Variants in ARHGAP11A observed in about 807,000 individuals in gnomAD.
ARHGAP11A encodes Rho GTPase activating protein 11A.
ARHGAP11A carries 36 observed loss-of-function variants against 60.5 expected under a neutral mutation model. The ratio of observed to expected loss-of-function variants is 0.59; its 90% CI spans 0.46 to 0.79. The LOEUF is 0.79. ARHGAP11A is among the 30% of genes least tolerant of loss of function. ARHGAP11A has a pLI of 0.00. For missense variants in ARHGAP11A, 1,071 were observed against 1,199.2 expected, an observed-to-expected ratio of 0.89 and a Z score of 1.58; for synonymous variants, 362 against 415.5, an observed-to-expected ratio of 0.87 and a Z score of 1.57.
intron 2 of ARHGAP11A, among the ~76,000 whole-genome samples, chr15:32,622,376 C>T (rs189275499): frequency 6.6e-6 from 1 of 152,254 alleles, no homozygotes; most frequent in South Asian, 2.1e-4. Context: ...AGTGATCGCA[C>T]CACTCCAGCC....
In ARHGAP11A at chr15:32,633,934, G is replaced by A; in HGVS notation, c.1237G>A (p.Val413Met). Residue 413 changes from valine (V) to methionine (M), a missense_variant and splice_region_variant, in exon 10 of 12, where the codon GTG (valine) becomes ATG (methionine). By Grantham distance (21) the Val-to-Met change is conservative. This residue lies in a region of ARHGAP11A where 776 missense variants were observed against 760.2 expected (regional missense o/e 1.02). Transcript: ENST00000361627. ...CATTTTTAATTCCACTTCTTCTAGA[G>A]TGGAATCAGGAAAAGCAGGCTGCTT... ...KRIAGKKVCR[V>M]ESGKAGCFSP... 1 of 1,588,330 alleles carries A rather than the reference G, an allele frequency of 6.3e-7. No individual in the cohort carries two copies.
intron 1 of ARHGAP11A, among the ~76,000 whole-genome samples, chr15:32,617,053 G>T (rs560437274): frequency 6.6e-6 from 1 of 152,114 alleles, no homozygotes; most frequent in Non-Finnish European, 1.5e-5. Flanking sequence ...TTTTGAATGA[G>T]ATTTTAATAG....
At chr15:32,621,958 T>C (rs557535449) in intron 2 of ARHGAP11A, among the ~76,000 whole-genome samples, 138 of 152,376 alleles carry the variant, frequency 9.1e-4, no homozygotes, top group Middle Eastern at 6.8e-3. Flanking sequence ...AGGTTTTAAT[T>C]GACATGTCAT....
At chr15:32,625,432 G>A (rs1398500117) in intron 5 of ARHGAP11A, 55 bp from the exon 6 acceptor site, 1 of 1,568,120 alleles carries the variant, frequency 6.4e-7, no homozygotes, top group African/African-American at 1.4e-5. Flanking sequence ...AAACATTTTT[G>A]GGGAAGAGTG....
At position 32,636,335 on chromosome 15, in the gene ARHGAP11A, G is replaced by C; in HGVS notation, c.1562G>C (p.Trp521Ser). ...GTTGGAACAAATTACCGGATGTCTT[G>C]GACAGGACCTAATAATTCAAGTTTT... is the stretch of plus-strand genomic sequence containing the variant. The part of the protein sequence containing the change: ...RLVGTNYRMS[W>S]TGPNNSSFQE... Residue 521 changes from tryptophan to serine, a missense_variant, in exon 12 of 12, where the codon TGG becomes TCG. Physicochemically the swap from Trp to Ser is radical, Grantham distance 177 (BLOSUM62 -3). Transcript: ENST00000361627. 6.2e-7 allele frequency: 1 copy of C among 1,613,984 alleles called. No individual in the cohort carries two copies. The highest frequency in any genetic ancestry group is 8.5e-7 in the Non-Finnish European group (1 of 1,179,954).
At chr15:32,629,142 A>G (rs899927794) in intron 7 of ARHGAP11A, among the ~76,000 whole-genome samples, 4 of 149,578 alleles carry the variant, frequency 2.7e-5, no homozygotes, top group Non-Finnish European at 4.5e-5. Context: ...GTATATTTCA[A>G]TTTTTTATTC....
intron 3 of ARHGAP11A, 87 bp from the exon 4 acceptor site, chr15:32,624,086 A>G: frequency 6.6e-7 from 1 of 1,522,808 alleles, no homozygotes; most frequent in African/African-American, 1.4e-5. Flanking sequence ...ATTAAAGAAA[A>G]GTGTAATTAG....
Position 32,615,861 on chromosome 15 carries a change from A to G in ARHGAP11A, c.-351A>G, listed in dbSNP as rs530390733. On this transcript the variant is annotated 5_prime_UTR_variant, in exon 1 of 12. Coordinates refer to ENST00000361627, the MANE Select transcript of ARHGAP11A (RefSeq NM_014783.6). Reference sequence around the variant, plus strand: ...GGAAGGGGGATCGTTGGAAGTAGCAAGAAGTGGAGAGAATCTGGCAATAGA... The same window carrying G: ...GGAAGGGGGATCGTTGGAAGTAGCAGGAAGTGGAGAGAATCTGGCAATAGA... The G allele has an allele frequency of 6.6e-5, 19 of 288,438 alleles. No homozygotes were observed. Among genetic ancestry groups the G allele is most frequent in the South Asian group, 3.7e-4 (5 of 13,664 alleles). 17.9% of individuals were successfully genotyped at this position (288,438 alleles called of 1,614,324 possible).
At position 32,639,806 on chromosome 15, in the gene ARHGAP11A, T is replaced by C. The variant is rs1326933608; in HGVS notation, c.*1961T>C. 1 of 152,224 alleles carries C rather than the reference T, an allele frequency of 6.6e-6. No individual in the cohort carries two copies. Among genetic ancestry groups the C allele is most frequent in the Non-Finnish European group, 1.5e-5 (1 of 68,034 alleles). 9.4% of individuals were successfully genotyped at this position (152,224 alleles called of 1,614,324 possible). A position where few individuals can be genotyped will look rare whatever the true frequency, so the allele number is the denominator to read the frequency against. On this transcript the variant is annotated 3_prime_UTR_variant, in exon 12 of 12. Transcript: ENST00000361627. Reference sequence around the variant, plus strand: ...AACTTGATTTAATGCGTTTTTATTTTTTCTTATACAAAATAGAGATAATGT... The same window carrying C: ...AACTTGATTTAATGCGTTTTTATTTCTTCTTATACAAAATAGAGATAATGT...
intron 10 of ARHGAP11A, among the ~76,000 whole-genome samples, chr15:32,634,479 C>T (rs1184444267): frequency 6.6e-6 from 1 of 152,144 alleles, no homozygotes. Flanking sequence ...TTGGAGCATC[C>T]AGAACTTTGG....
At chr15:32,636,049 T>C in intron 11 of ARHGAP11A, 134 bp downstream of exon 11, 1 of 1,380,496 alleles carries the variant, frequency 7.2e-7, no homozygotes. Context: ...AATATTAGAA[T>C]TGGCAATGTA....
chr15:32,629,852 C>T (rs1190640496), intron 8 of ARHGAP11A, 90 bp downstream of exon 8: 2 of 827,296 alleles, frequency 2.4e-6, no homozygotes, highest in Admixed American at 3.0e-5. Context: ...ATAATACCAC[C>T]CTTAGGAACT....
At position 32,616,181 on chromosome 15, in the gene ARHGAP11A, C is replaced by T. The variant is rs777617949; in HGVS notation, c.-31C>T. On this transcript the variant is annotated 5_prime_UTR_variant, in exon 1 of 12. Coordinates refer to ENST00000361627, the MANE Select transcript of ARHGAP11A (RefSeq NM_014783.6). The stretch of plus-strand genomic sequence containing the variant: ...GGCGAACGAGGGTCAGGACCTGCAT[C>T]CTGCCTCAGAGAGTTATCGACGTAT... The T allele has an allele frequency of 1.2e-6, 2 of 1,610,938 alleles. No individual in the cohort carries two copies. Among genetic ancestry groups the T allele is most frequent in the East Asian group, 2.2e-5 (1 of 44,806 alleles).
Position 32,638,169 on chromosome 15 carries a change from G to A in ARHGAP11A, c.*324G>A, listed in dbSNP as rs1475331179. The A allele has an allele frequency of 1.5e-5, 3 of 204,484 alleles. No homozygotes were observed. Among genetic ancestry groups the A allele is most frequent in the East Asian group, 1.2e-4 (1 of 8,224 alleles). 12.7% of individuals were successfully genotyped at this position (204,484 alleles called of 1,614,324 possible). On this transcript the variant is annotated 3_prime_UTR_variant, in exon 12 of 12. Transcript: ENST00000361627. ...TCTCACTGCAAGCTCCACTTCCTGG[G>A]TTCATGCCATTTTCCTGCCTCAGCC...
intron 1 of ARHGAP11A, 40 bp downstream of exon 1, chr15:32,616,380 G>T: frequency 6.2e-7 from 1 of 1,611,680 alleles, no homozygotes; most frequent in East Asian, 2.2e-5. Flanking sequence ...AAAAGAAAGG[G>T]CACACCCTTT....
intron 8 of ARHGAP11A, among the ~76,000 whole-genome samples, chr15:32,630,750 C>T (rs2053566325): frequency 6.6e-6 from 1 of 152,292 alleles, no homozygotes; most frequent in African/African-American, 2.4e-5. Context: ...AACACTTCTT[C>T]ACAGGTTCTC....
intron 1 of ARHGAP11A, among the ~76,000 whole-genome samples, chr15:32,619,253 G>A (rs2053240234): frequency 6.6e-6 from 1 of 152,140 alleles, no homozygotes; most frequent in Non-Finnish European, 1.5e-5. Context: ...TAACATGTGA[G>A]ATTATGCATA....
Position 32,637,597 on chromosome 15 carries a change from C to G in ARHGAP11A, c.2824C>G (p.Leu942Val), listed in dbSNP as rs1160430364. The change falls in exon 12 of 12, where the codon CTT (leucine) becomes GTT (valine). Residue 942 changes from leucine (L) to valine (V), a missense_variant. Around this residue, in one of 4 missense-constraint regions of ARHGAP11A, gnomAD observed 776 missense variants for 760.2 expected, o/e 1.02. Coordinates refer to ENST00000361627, the MANE Select transcript of ARHGAP11A (RefSeq NM_014783.6). The part of the protein sequence containing the change: ...RKHPDSVNAS[L>V]RSTTVYKQKI... ...GCACCCAGATTCAGTGAATGCTTCTCTTAGGTCTACTACAGTTTATAAACA... is the reference window on the plus strand; with the variant it reads ...GCACCCAGATTCAGTGAATGCTTCTGTTAGGTCTACTACAGTTTATAAACA... The G allele has an allele frequency of 2.5e-6, 4 of 1,614,090 alleles. No homozygotes were observed. Among genetic ancestry groups the G allele is most frequent in the Non-Finnish European group, 3.4e-6 (4 of 1,180,042 alleles).
At chr15:32,618,101 TGAA>T (rs1310589084) in intron 1 of ARHGAP11A, among the ~76,000 whole-genome samples, 1 of 152,222 alleles carries the variant, frequency 6.6e-6, no homozygotes, top group African/African-American at 2.4e-5. Context: ...AATATTCTAA[TGAA>T]GAAATATAGA....
Sources: allele counts gnomAD v4.1 joint callset (sites outside exome capture counted in the v4.1 genomes callset), GRCh38; gene constraint gnomAD v4.1.1; regional missense constraint gnomAD v4.1.1; transcripts MANE v1.5; gene names NCBI Gene and HGNC (gene_info 2026-07-23, HGNC 2026-07-21).